The following BMPR2 variants were observed in gnomAD, a reference collection of about 807,000 sequenced individuals.
BMPR2 encodes bone morphogenetic protein receptor type 2, also known as bone morphogenetic protein receptor type-2.
A neutral mutation model predicts 100.8 loss-of-function variants in BMPR2; 29 were observed. The ratio of observed to expected loss-of-function variants is 0.29; its 90% confidence interval spans 0.21 to 0.39. The LOEUF (loss-of-function observed/expected upper bound fraction) is 0.39. Ranked by LOEUF, BMPR2 falls within the 10% of genes least tolerant of loss-of-function variation. The probability of loss-of-function intolerance (pLI) is 1.00; values close to 1 mark genes in which losing one functional copy is unlikely to be tolerated. For synonymous variants in BMPR2, 382 were observed against 442.3 expected, an observed-to-expected ratio of 0.86 and a Z score of 1.71; for missense variants, 1,011 against 1,274.5, an observed-to-expected ratio of 0.79 and a Z score of 3.15.
rs768023865 is a variant in BMPR2, at chr2:202,555,993, G to A, written c.2328G>A (p.Lys776=). The A allele has an allele frequency of 1.9e-6, 3 of 1,614,150 alleles. No homozygotes were observed. Among genetic ancestry groups the A allele is most frequent in the East Asian group, 4.5e-5 (2 of 44,878 alleles). Residue 776 remains lysine (K), a synonymous_variant, in exon 12 of 13, where the codon AAG becomes AAA. Transcript: ENST00000374580. Reference sequence around the variant, plus strand: ...AGCCCCGGCTAAAATTTGGCAGCAAGCACAAATCAAACTTGAAACAAGTCG... The same window carrying A: ...AGCCCCGGCTAAAATTTGGCAGCAAACACAAATCAAACTTGAAACAAGTCG... ...TKEPRLKFGS[K]HKSNLKQVET...
At chr2:202,509,822 T>C (rs1009539201) in intron 3 of BMPR2, among the ~76,000 whole-genome samples, 6 of 152,096 alleles carry the variant, frequency 3.9e-5, no homozygotes, top group African/African-American at 1.4e-4. Context: ...TCATTCCTAG[T>C]TGAATTCAAA....
Position 202,560,071 on chromosome 2 carries a change from G to A in BMPR2, c.*125G>A, listed in dbSNP as rs1019951105. On this transcript the variant is annotated 3_prime_UTR_variant, in exon 13 of 13. Coordinates refer to ENST00000374580, the MANE Select transcript of BMPR2 (RefSeq NM_001204.7). ...CACCCCCTCCCACCCCTGCAACAAA[G>A]ACTTGCTTTAAATAGATTTCAGCTA... 4.1e-6 allele frequency: 5 copies of A among 1,206,562 alleles called. No homozygotes were observed. The African/African-American group carries it at 7.7e-5, about 19-fold the overall frequency. 74.7% of individuals were successfully genotyped at this position (1,206,562 alleles called of 1,614,324 possible). A position where few individuals can be genotyped will look rare whatever the true frequency, so the allele number is the denominator to read the frequency against.
At chr2:202,522,657 C>T (rs1231321434) in intron 7 of BMPR2, among the ~76,000 whole-genome samples, 1 of 151,974 alleles carries the variant, frequency 6.6e-6, no homozygotes, top group Non-Finnish European at 1.5e-5. Context: ...TAGTCAGACC[C>T]CCATCTCTAC....
intron 3 of BMPR2, among the ~76,000 whole-genome samples, chr2:202,497,380 G>A (rs1428374982): frequency 6.6e-6 from 1 of 152,210 alleles, no homozygotes; most frequent in Admixed American, 6.5e-5. Context: ...TTAGAATTCG[G>A]GGGCTAAATA....
At chr2:202,518,219 C>T (rs1687752990) in intron 5 of BMPR2, among the ~76,000 whole-genome samples, 1 of 147,368 alleles carries the variant, frequency 6.8e-6, no homozygotes, top group Non-Finnish European at 1.5e-5. Context: ...CTCACTGCAA[C>T]CTCCGTTTCC....
At chr2:202,509,949 T>A (rs1477970244) in intron 3 of BMPR2, among the ~76,000 whole-genome samples, 1 of 152,134 alleles carries the variant, frequency 6.6e-6, no homozygotes, top group Non-Finnish European at 1.5e-5. Flanking sequence ...TTACATTTAA[T>A]ATTTAATTTT....
At chr2:202,557,749 T>C (rs1001197416) in intron 12 of BMPR2, among the ~76,000 whole-genome samples, 1 of 152,150 alleles carries the variant, frequency 6.6e-6, no homozygotes, top group African/African-American at 2.4e-5. Context: ...ATTTTTGTCA[T>C]TGATAATTAA....
intron 1 of BMPR2, among the ~76,000 whole-genome samples, chr2:202,381,052 G>A (rs1198873061): frequency 7.4e-6 from 1 of 134,340 alleles, no homozygotes. Flanking sequence ...TCAGCTCACT[G>A]CAACCTCTGC....
intron 1 of BMPR2, among the ~76,000 whole-genome samples, chr2:202,405,664 A>G (rs1170045974): frequency 7.2e-6 from 1 of 138,264 alleles, no homozygotes; most frequent in Non-Finnish European, 1.5e-5. Context: ...CTCCAGCCTG[A>G]GCAACAGAGC....
chr2:202,544,601 T>C (rs1688339372), intron 10 of BMPR2, among the ~76,000 whole-genome samples: 1 of 152,092 alleles, frequency 6.6e-6, no homozygotes, highest in South Asian at 2.1e-4. Flanking sequence ...TTTTTTTCTC[T>C]ATAAGCTTTT....
chr2:202,394,276 G>A (rs1429179852), intron 1 of BMPR2, among the ~76,000 whole-genome samples: 2 of 151,910 alleles, frequency 1.3e-5, no homozygotes, highest in Non-Finnish European at 2.9e-5. Flanking sequence ...GCTTGAACCC[G>A]GAAGGCGGAG....
rs771528668 is a variant in BMPR2, at chr2:202,556,299, C to T, written c.2634C>T (p.Gly878=). 2.7e-5 allele frequency: 43 copies of T among 1,614,058 alleles called. No individual in the cohort carries two copies. The highest frequency in any genetic ancestry group is 6.7e-5 in the Admixed American group (4 of 60,006). Residue 878 remains glycine, a synonymous_variant, in exon 12 of 13, where the codon GGC becomes GGT. Transcript: ENST00000374580. ...EPLLRREQQA[G]HDEGVLDRLV... ...TACTGAGACGAGAGCAACAAGCTGG[C>T]CATGATGAAGGTGTTCTGGATCGTC...
intron 1 of BMPR2, among the ~76,000 whole-genome samples, chr2:202,443,347 A>G (rs1250225473): frequency 6.6e-6 from 1 of 150,736 alleles, no homozygotes; most frequent in African/African-American, 2.5e-5. Context: ...TTGCTAGAAC[A>G]TGTAGTAGTT....
At chr2:202,445,064 G>A (rs938663149) in intron 1 of BMPR2, among the ~76,000 whole-genome samples, 12 of 149,980 alleles carry the variant, frequency 8.0e-5, no homozygotes, top group Non-Finnish European at 1.6e-4. Context: ...CTCGGATTAC[G>A]GGTGTGAGCC....
intron 1 of BMPR2, among the ~76,000 whole-genome samples, chr2:202,415,758 C>T (rs1165690517): frequency 6.6e-6 from 1 of 152,090 alleles, no homozygotes; most frequent in Non-Finnish European, 1.5e-5. Context: ...AACTACTGCT[C>T]AGAAAAAAAG....
At chr2:202,434,553 G>A (rs1445875481) in intron 1 of BMPR2, among the ~76,000 whole-genome samples, 1 of 150,226 alleles carries the variant, frequency 6.7e-6, no homozygotes, top group Non-Finnish European at 1.5e-5. Flanking sequence ...AATTTTTAAA[G>A]AGTTTCAATG....
intron 3 of BMPR2, among the ~76,000 whole-genome samples, chr2:202,501,383 G>A (rs556756409): frequency 3.9e-5 from 6 of 152,186 alleles, no homozygotes; most frequent in South Asian, 2.1e-4. Flanking sequence ...TCATCTAGTC[G>A]AATGGGAACC....
intron 5 of BMPR2, among the ~76,000 whole-genome samples, chr2:202,515,559 G>A (rs1339994021): frequency 6.9e-6 from 1 of 144,632 alleles, no homozygotes; most frequent in East Asian, 2.0e-4. Flanking sequence ...CAACAAGAGC[G>A]AAACTCTGCC....
intron 1 of BMPR2, among the ~76,000 whole-genome samples, chr2:202,399,088 A>G (rs1408236376): frequency 6.6e-6 from 1 of 152,146 alleles, no homozygotes; most frequent in Non-Finnish European, 1.5e-5. Context: ...AGATCGTGCC[A>G]TTGCAATCCA....
Sources: allele counts gnomAD v4.1 joint callset (sites outside exome capture counted in the v4.1 genomes callset), GRCh38; gene constraint gnomAD v4.1.1; transcripts MANE v1.5; gene names NCBI Gene and HGNC (gene_info 2026-07-23, HGNC 2026-07-21).